TMTC2: variants seen among roughly 807,000 people sequenced by gnomAD.
TMTC2 encodes the protein protein O-mannosyl-transferase TMTC2.
A neutral mutation model predicts 82.4 loss-of-function variants in TMTC2; 43 were observed. That is an observed-to-expected ratio of 0.52 (90% CI 0.41 to 0.67). The LOEUF (loss-of-function observed/expected upper bound fraction) is 0.67, where lower values mean the gene tolerates loss of function less well. Among genes scored for constraint, TMTC2 ranks in the 30% least tolerant of loss-of-function variants. The pLI is 0.00. For synonymous variants in TMTC2, 408 were observed against 381.9 expected, an observed-to-expected ratio of 1.07 and a Z score of -0.80; for missense variants, 919 against 1,012.4, an observed-to-expected ratio of 0.91 and a Z score of 1.25.
intron 3 of TMTC2, among the ~76,000 whole-genome samples, chr12:82,929,330 T>C (rs1224181199): frequency 1.3e-5 from 2 of 152,128 alleles, no homozygotes; most frequent in African/African-American, 4.8e-5. Flanking sequence ...AAAGTGCTAG[T>C]ACAGGTGCAA....
intron 1 of TMTC2, among the ~76,000 whole-genome samples, chr12:82,793,097 A>T: frequency 6.6e-6 from 1 of 152,148 alleles, no homozygotes. Flanking sequence ...GCAGGGTTTA[A>T]TTACACGATG....
chr12:82,942,621 C>A (rs756386190), intron 4 of TMTC2, among the ~76,000 whole-genome samples: 8 of 152,016 alleles, frequency 5.3e-5, no homozygotes, highest in Non-Finnish European at 1.2e-4. Flanking sequence ...AATGTAAATT[C>A]TTGAATATAT....
chr12:83,044,712 T>TA (rs1565866926), intron 9 of TMTC2, among the ~76,000 whole-genome samples: 1 of 152,228 alleles, frequency 6.6e-6, no homozygotes, highest in African/African-American at 2.4e-5. Context: ...AGTTGTTTTA[T>TA]AAAAAAGATT....
chr12:83,051,048 C>T (rs114151945), intron 10 of TMTC2, 30 bp downstream of exon 10: 1 of 1,537,888 alleles, frequency 6.5e-7, no homozygotes, highest in African/African-American at 1.4e-5. Flanking sequence ...TGCCTCAAAG[C>T]CTAGGCTTTG....
chr12:82,969,311 G>C (rs1196495966), intron 7 of TMTC2, among the ~76,000 whole-genome samples: 2 of 152,092 alleles, frequency 1.3e-5, no homozygotes, highest in African/African-American at 4.8e-5. Context: ...GCTAGATTTA[G>C]CCTGTAAGTG....
chr12:83,020,272 A>T (rs1488017807), intron 8 of TMTC2, among the ~76,000 whole-genome samples: 1 of 152,176 alleles, frequency 6.6e-6, no homozygotes, highest in South Asian at 2.1e-4. Context: ...CACTGGGCAC[A>T]TGGTAGGTGC....
Position 82,857,102 on chromosome 12 carries a change from GT to G in TMTC2, c.177del (p.Ser59ArgfsTer17). The G allele has an allele frequency of 6.2e-7, 1 of 1,614,024 alleles. No individual in the cohort carries two copies. On this transcript the variant is annotated frameshift_variant, in exon 2 of 12. Transcript: ENST00000321196. LOFTEE classifies it high-confidence loss of function. ...TTTTGGGGGACTCTTCTAACCCACA[GT>G]GGCAGCCACAAGTCCTACCGGCCAC... is the stretch of plus-strand genomic sequence containing the variant. ...NDFWGTLLTHSGSHKSYRPLC... is the reference protein window; with the variant it reads ...NDFWGTLLTHXGSHKSYRPLC...
At chr12:82,848,991 G>A (rs2137102889) in intron 1 of TMTC2, among the ~76,000 whole-genome samples, 1 of 152,210 alleles carries the variant, frequency 6.6e-6, no homozygotes. Flanking sequence ...GGGAAGTTTG[G>A]CTTAAATTAG....
At chr12:82,771,724 A>G (rs1016286466) in intron 1 of TMTC2, among the ~76,000 whole-genome samples, 1 of 152,228 alleles carries the variant, frequency 6.6e-6, no homozygotes, top group Non-Finnish European at 1.5e-5. Context: ...CTAATGAACA[A>G]TAGAAAGTGA....
chr12:82,797,735 GT>G (rs1878789561), intron 1 of TMTC2, among the ~76,000 whole-genome samples: 3 of 151,956 alleles, frequency 2.0e-5, no homozygotes. Context: ...TTCAGTGCAT[GT>G]TTTTGAAGGA....
At chr12:82,828,287 C>T (rs1402882374) in intron 1 of TMTC2, among the ~76,000 whole-genome samples, 1 of 148,518 alleles carries the variant, frequency 6.7e-6, no homozygotes. Context: ...GATCTCGGCT[C>T]ACTGCAACCT....
At chr12:82,850,051 C>T (rs1870889762) in intron 1 of TMTC2, among the ~76,000 whole-genome samples, 1 of 151,972 alleles carries the variant, frequency 6.6e-6, no homozygotes, top group African/African-American at 2.4e-5. Context: ...AGTACATTAA[C>T]CTTTCATCTG....
At chr12:82,900,878 A>AAT (rs1290180921) in intron 3 of TMTC2, among the ~76,000 whole-genome samples, 165 of 124,956 alleles carry the variant, frequency 1.3e-3, no homozygotes, top group South Asian at 2.6e-3. Flanking sequence ...TATATATAGG[A>AAT]ATATATATAC....
In TMTC2 at chr12:82,734,117, T is replaced by A. The variant is rs189926926; in HGVS notation, c.83+46448T>A. Among the ~76,000 whole-genome samples, 24 of 152,312 alleles carry A rather than the reference T, an allele frequency of 1.6e-4. No homozygotes were observed. In the East Asian group the frequency reaches 4.6e-3, roughly 29 times the overall value. Reference sequence around the variant, plus strand: ...ATGTGAGTAAATCTCTAGGCCTTGGTAATAAGAAGGTTAGATGAAAAGATA... The same window carrying A: ...ATGTGAGTAAATCTCTAGGCCTTGGAAATAAGAAGGTTAGATGAAAAGATA... On this transcript the variant is annotated intron_variant, in intron 1 of 11. Coordinates refer to ENST00000321196, the MANE Select transcript of TMTC2 (RefSeq NM_152588.3).
chr12:82,796,716 T>G (rs1022223976), intron 1 of TMTC2, among the ~76,000 whole-genome samples: 4 of 152,112 alleles, frequency 2.6e-5, no homozygotes, highest in African/African-American at 4.8e-5. Context: ...CGAGCCTGTT[T>G]CTTCTCAGGC....
chr12:82,781,793 A>T (rs1230053910), intron 1 of TMTC2, among the ~76,000 whole-genome samples: 3 of 149,588 alleles, frequency 2.0e-5, no homozygotes, highest in African/African-American at 7.4e-5. Context: ...TGCTTCTCTA[A>T]TTTGCATGGG....
At chr12:82,721,560 A>T (rs1172225814) in intron 1 of TMTC2, among the ~76,000 whole-genome samples, 1 of 152,216 alleles carries the variant, frequency 6.6e-6, no homozygotes, top group African/African-American at 2.4e-5. Context: ...CTATTGTCTG[A>T]AAAAGACCCA....
intron 4 of TMTC2, among the ~76,000 whole-genome samples, chr12:82,964,672 C>T (rs1261754888): frequency 1.3e-5 from 2 of 152,096 alleles, no homozygotes; most frequent in Non-Finnish European, 2.9e-5. Flanking sequence ...AGGCAAGCTT[C>T]ATTTCCGAAG....
intron 11 of TMTC2, among the ~76,000 whole-genome samples, chr12:83,107,693 TATC>T (rs1884457529): frequency 6.6e-6 from 1 of 152,220 alleles, no homozygotes; most frequent in African/African-American, 2.4e-5. Flanking sequence ...CCTGTGAACA[TATC>T]ATGTGACTCC....
Sources: gnomAD v4.1 joint callset for allele counts (sites outside exome capture counted in the v4.1 genomes callset) on GRCh38, gnomAD v4.1.1 for gene constraint, MANE v1.5 for transcripts, NCBI Gene and HGNC (gene_info 2026-07-23, HGNC 2026-07-21) for gene names.